The following REPS1 variants were observed in gnomAD, a reference collection of about 807,000 sequenced individuals.
REPS1 encodes ralBP1-associated Eps domain-containing protein 1.
In REPS1, 39 loss-of-function variants were observed where a neutral mutation model predicts 100.9. The observed-to-expected ratio is 0.39, with a 90% CI of 0.30 to 0.50. REPS1 has a LOEUF of 0.50. Among genes scored for constraint, REPS1 ranks in the 20% least tolerant of loss-of-function variants. REPS1 has a pLI of 0.86. For missense variants in REPS1, 821 were observed against 968.5 expected (o/e 0.85, Z 2.02); for synonymous variants, 324 against 340.3 (o/e 0.95, Z 0.53).
chr6:138,906,194 C>A (rs1779639476), intron 19 of REPS1, among the ~76,000 whole-genome samples: 1 of 152,184 alleles, frequency 6.6e-6, no homozygotes, highest in Non-Finnish European at 1.5e-5. Flanking sequence ...AATCATATAA[C>A]TACAAATGTC....
intron 8 of REPS1, among the ~76,000 whole-genome samples, chr6:138,937,376 T>C (rs1372917111): frequency 6.6e-6 from 1 of 152,226 alleles, no homozygotes; most frequent in Non-Finnish European, 1.5e-5. Context: ...TAGGTTTTTA[T>C]ATATATGTTA....
chr6:138,987,185 C>T (rs926041618), intron 1 of REPS1, among the ~76,000 whole-genome samples: 13 of 152,234 alleles, frequency 8.5e-5, no homozygotes, highest in Non-Finnish European at 1.6e-4. Context: ...ATCCGAAAAG[C>T]TCTCTATATG....
intron 10 of REPS1, among the ~76,000 whole-genome samples, chr6:138,925,222 C>T (rs1188879): frequency 0.37 from 55,251 of 150,726 alleles, 11,892 homozygotes; most frequent in Admixed American, 0.51. Flanking sequence ...CACAAATTAG[C>T]CAGGCATGGT....
At position 138,948,281 on chromosome 6, in the gene REPS1, C is replaced by T. The variant is rs143620436; in HGVS notation, c.154-368G>A. ...ACTATTATGCAGCCATTTAAAGTGA[C>T]GGTCTTTAAATGATATAACAACATG... On this transcript the variant is annotated intron_variant, in intron 1 of 19. Coordinates refer to ENST00000450536, the MANE Select transcript of REPS1 (RefSeq NM_001286611.2). Among the ~76,000 whole-genome samples, 577 of 152,148 alleles carry T rather than the reference C, an allele frequency of 3.8e-3. 5 individuals are homozygous for T. The highest frequency in any genetic ancestry group is 0.013 in the African/African-American group (559 of 41,506).
intron 8 of REPS1, among the ~76,000 whole-genome samples, chr6:138,931,653 A>T (rs1781492176): frequency 6.6e-6 from 1 of 152,200 alleles, no homozygotes; most frequent in Non-Finnish European, 1.5e-5. Flanking sequence ...AAGTAGGAAG[A>T]CTTCACATAT....
intron 1 of REPS1, among the ~76,000 whole-genome samples, chr6:138,973,296 T>C (rs914870807): frequency 9.2e-5 from 14 of 152,166 alleles, no homozygotes; most frequent in African/African-American, 2.7e-4. Context: ...TCATGAAAGA[T>C]GATACAACAT....
At chr6:138,906,034 A>G (rs1177844922) in intron 19 of REPS1, among the ~76,000 whole-genome samples, 1 of 152,240 alleles carries the variant, frequency 6.6e-6, no homozygotes, top group Non-Finnish European at 1.5e-5. Flanking sequence ...TAAGGAAAAA[A>G]GTAATTTTTC....
intron 11 of REPS1, among the ~76,000 whole-genome samples, chr6:138,920,648 T>G (rs1161767870): frequency 6.6e-6 from 1 of 152,178 alleles, no homozygotes; most frequent in Non-Finnish European, 1.5e-5. Context: ...AAATCTACCT[T>G]TGAGAAACCC....
Position 138,943,902 on chromosome 6 carries a change from A to C in REPS1, c.867T>G (p.Tyr289Ter). 1 of 1,613,786 alleles carries C rather than the reference A, an allele frequency of 6.2e-7. No homozygotes were observed. The highest frequency in any genetic ancestry group is 2.2e-5 in the East Asian group (1 of 44,836). The part of the protein sequence containing the change: ...WKITDEQRQY[Y>*]VNQFKTIQPD... ...GCTGAATGGTTTTAAACTGATTTAC[A>C]TAATACTGTCTTTGTTCATCTGTTA... Residue 289 changes from tyrosine to a stop codon, truncating the protein, a stop_gained, in exon 6 of 20, where the codon TAT becomes TAG. Coordinates refer to ENST00000450536, the MANE Select transcript of REPS1 (RefSeq NM_001286611.2). LOFTEE classifies it high-confidence loss of function.
chr6:138,920,904 A>G, intron 11 of REPS1, 133 bp downstream of exon 11: 1 of 640,548 alleles, frequency 1.6e-6, no homozygotes, highest in Non-Finnish European at 2.7e-6. Context: ...ATAAATATGC[A>G]TGAACATATA....
At chr6:138,935,767 T>C (rs906490331) in intron 8 of REPS1, among the ~76,000 whole-genome samples, 9 of 144,176 alleles carry the variant, frequency 6.2e-5, no homozygotes, top group Middle Eastern at 3.6e-3. Context: ...GGCAGGAGAA[T>C]TGCTTGAACC....
intron 10 of REPS1, among the ~76,000 whole-genome samples, chr6:138,926,156 A>C (rs1781104662): frequency 6.6e-6 from 1 of 152,206 alleles, no homozygotes; most frequent in Non-Finnish European, 1.5e-5. Context: ...GATTGTCACA[A>C]AAAATGCTTC....
At chr6:138,925,190 T>TAC (rs3070143) in intron 10 of REPS1, among the ~76,000 whole-genome samples, 56,404 of 147,842 alleles carry the variant, frequency 0.38, 11,223 homozygotes, top group African/African-American at 0.52. Flanking sequence ...TACTAAAAAA[T>TAC]ACACACACAC....
chr6:138,957,159 A>C (rs1783441594), intron 1 of REPS1, among the ~76,000 whole-genome samples: 1 of 152,188 alleles, frequency 6.6e-6, no homozygotes. Context: ...TAAAGGACAC[A>C]AGTTTTAAAG....
chr6:138,909,080 AG>A (rs1353983557), intron 17 of REPS1, among the ~76,000 whole-genome samples: 1 of 152,250 alleles, frequency 6.6e-6, no homozygotes, highest in East Asian at 1.9e-4. Flanking sequence ...TAATATTCAC[AG>A]TTTTAACATA....
At chr6:138,979,870 T>C (rs1784837588) in intron 1 of REPS1, among the ~76,000 whole-genome samples, 1 of 152,184 alleles carries the variant, frequency 6.6e-6, no homozygotes, top group Non-Finnish European at 1.5e-5. Context: ...TAAGTATCAC[T>C]AACATAGTGA....
intron 3 of REPS1, 58 bp downstream of exon 3, chr6:138,945,443 C>A (rs1782547358): frequency 4.4e-6 from 7 of 1,578,800 alleles, no homozygotes; most frequent in South Asian, 1.2e-5. Context: ...CCAATAAGAG[C>A]CTTAGTGAAG....
chr6:138,973,667 A>G (rs1360263534), intron 1 of REPS1, among the ~76,000 whole-genome samples: 2 of 152,014 alleles, frequency 1.3e-5, no homozygotes, highest in East Asian at 1.9e-4. Context: ...TCAATGACTT[A>G]CTAGCTGTGT....
In REPS1 at chr6:138,945,338, G is replaced by C. The variant is rs1013500753; in HGVS notation, c.509C>G (p.Ser170Cys). 1 of 1,611,972 alleles carries C rather than the reference G, an allele frequency of 6.2e-7. No individual in the cohort carries two copies. Among genetic ancestry groups the C allele is most frequent in the Non-Finnish European group, 8.5e-7 (1 of 1,179,286 alleles). ...CCATGTGTGTGGAGAAGTTGGTGGG[G>C]ATTGCTGTGGTGAAACTACTGGGGA... ...PASPVVSPQQ[S>C]PPTSPHTWRK... The change falls in exon 4 of 20, where the codon TCC (serine) becomes TGC (cysteine). Residue 170 changes from serine to cysteine, a missense_variant. By Grantham distance (112) the Ser-to-Cys change is moderately radical. This residue lies in a region of REPS1 where 757 missense variants were observed against 866.4 expected (regional missense o/e 0.87). Transcript: ENST00000450536.
Sources: gnomAD v4.1 joint callset for allele counts (sites outside exome capture counted in the v4.1 genomes callset) on GRCh38, gnomAD v4.1.1 for gene constraint, gnomAD v4.1.1 regional missense constraint, MANE v1.5 for transcripts, NCBI Gene and HGNC (gene_info 2026-07-23, HGNC 2026-07-21) for gene names.